The following RAPGEF6 variants were observed in gnomAD, a reference collection of about 807,000 sequenced individuals.
RAPGEF6 encodes the protein Rap guanine nucleotide exchange factor 6.
Under a neutral mutation model 171.4 loss-of-function variants are expected in RAPGEF6, and 56 were observed. The observed-to-expected ratio is 0.33, with a 90% CI of 0.26 to 0.41. The LOEUF is 0.41. Ranked by LOEUF, RAPGEF6 falls within the 10% of genes least tolerant of loss-of-function variation. RAPGEF6 has a pLI of 1.00. For synonymous variants in RAPGEF6, 692 were observed against 650.1 expected, an observed-to-expected ratio of 1.06 and a Z score of -0.98; for missense variants, 1,674 against 1,921.4, an observed-to-expected ratio of 0.87 and a Z score of 2.41.
chr5:131,607,321 C>G (rs1048143696), intron 1 of RAPGEF6, among the ~76,000 whole-genome samples: 8 of 152,154 alleles, frequency 5.3e-5, no homozygotes, highest in Admixed American at 4.6e-4. Flanking sequence ...AGAAAGCAGA[C>G]AGATCCTAAA....
intron 7 of RAPGEF6, among the ~76,000 whole-genome samples, chr5:131,519,259 T>A (rs1359457061): frequency 6.6e-6 from 1 of 152,224 alleles, no homozygotes; most frequent in African/African-American, 2.4e-5. Flanking sequence ...TTTGCAAAGA[T>A]GTAGGGACCA....
At chr5:131,578,356 T>C (rs184580227) in intron 4 of RAPGEF6, among the ~76,000 whole-genome samples, 78 of 152,282 alleles carry the variant, frequency 5.1e-4, no homozygotes, top group African/African-American at 1.8e-3. Flanking sequence ...TTCTTCCTGC[T>C]CTTACACAGA....
At position 131,546,274 on chromosome 5, in the gene RAPGEF6, T is replaced by C. The variant is rs149123483; in HGVS notation, c.495+1773A>G. Among the ~76,000 whole-genome samples the C allele has an allele frequency of 7.3e-3, 1,118 of 152,242 alleles. 8 individuals are homozygous for C. Among genetic ancestry groups the C allele is most frequent in the African/African-American group, 0.025 (1,035 of 41,528 alleles). On this transcript the variant is annotated intron_variant, in intron 6 of 27. Coordinates refer to ENST00000509018, the MANE Select transcript of RAPGEF6 (RefSeq NM_016340.6). ...GACATTTTTTCTATAGAAATGAAAA[T>C]GTGGGCATACATTGTACTTAGCACC...
At chr5:131,480,579 A>G (rs1292413244) in intron 15 of RAPGEF6, among the ~76,000 whole-genome samples, 1 of 152,110 alleles carries the variant, frequency 6.6e-6, no homozygotes, top group Non-Finnish European at 1.5e-5. Flanking sequence ...CCCGGGTTCA[A>G]GCGATTCTCT....
chr5:131,621,921 T>C lies in RAPGEF6; in HGVS notation c.69+13041A>G, dbSNP rs550092695. On this transcript the variant is annotated intron_variant, in intron 1 of 27. Coordinates refer to ENST00000509018, the MANE Select transcript of RAPGEF6 (RefSeq NM_016340.6). ...CCTACAAACTTCTGAGCACCTGATA[T>C]TTATAATTATCACAGTATTTAATTA... Among the ~76,000 whole-genome samples, 7 of 152,306 alleles carry C rather than the reference T, an allele frequency of 4.6e-5. No individual in the cohort carries two copies. In the East Asian group the frequency reaches 7.7e-4, roughly 17 times the overall value.
intron 17 of RAPGEF6, among the ~76,000 whole-genome samples, chr5:131,468,144 C>T (rs964976662): frequency 2.7e-5 from 4 of 150,428 alleles, no homozygotes; most frequent in Non-Finnish European, 5.9e-5. Flanking sequence ...TGGCTAACAC[C>T]GTGAAACCCC....
chr5:131,588,720 G>C (rs1399045935), intron 4 of RAPGEF6, among the ~76,000 whole-genome samples: 1 of 151,924 alleles, frequency 6.6e-6, no homozygotes, highest in African/African-American at 2.4e-5. Flanking sequence ...TCCAGCCTTG[G>C]CAACAGAGTG....
At chr5:131,613,393 C>A (rs1033529847) in intron 1 of RAPGEF6, among the ~76,000 whole-genome samples, 1 of 151,976 alleles carries the variant, frequency 6.6e-6, no homozygotes, top group Non-Finnish European at 1.5e-5. Context: ...CTGGGCGACA[C>A]AGCGAGACTC....
chr5:131,445,604 A>G (rs1176614922), intron 22 of RAPGEF6, among the ~76,000 whole-genome samples: 1 of 151,572 alleles, frequency 6.6e-6, no homozygotes, highest in African/African-American at 2.4e-5. Flanking sequence ...TTTTTGAGAG[A>G]CTGAGTCTCA....
rs930569678 is a variant in RAPGEF6, at chr5:131,629,890, A to G, written c.69+5072T>C. Among the ~76,000 whole-genome samples, 9 of 152,224 alleles carry G rather than the reference A, an allele frequency of 5.9e-5. No individual in the cohort carries two copies. The East Asian group carries it at 1.7e-3, about 29-fold the overall frequency. On this transcript the variant is annotated intron_variant, in intron 1 of 27. Coordinates refer to ENST00000509018, the MANE Select transcript of RAPGEF6 (RefSeq NM_016340.6). ...CTGCCTCTTATGCATTAGTAAAAAA[A>G]GTGGTTTCTTGAGACAACCTGCTCC... is the stretch of plus-strand genomic sequence containing the variant.
At chr5:131,595,177 G>A (rs1007580013) in intron 3 of RAPGEF6, among the ~76,000 whole-genome samples, 1 of 152,104 alleles carries the variant, frequency 6.6e-6, no homozygotes, top group Non-Finnish European at 1.5e-5. Flanking sequence ...CTGGTGGGAG[G>A]CGACTGGATC....
intron 1 of RAPGEF6, among the ~76,000 whole-genome samples, chr5:131,617,152 T>C (rs994300515): frequency 1.3e-5 from 2 of 152,124 alleles, no homozygotes; most frequent in South Asian, 2.1e-4. Flanking sequence ...AGTCTAACAA[T>C]GTGGAAGACA....
intron 1 of RAPGEF6, among the ~76,000 whole-genome samples, chr5:131,632,961 G>C (rs1766406014): frequency 6.6e-6 from 1 of 152,152 alleles, no homozygotes; most frequent in South Asian, 2.1e-4. Flanking sequence ...TTCCAATTAA[G>C]CACAATAAAG....
At chr5:131,450,623 T>C (rs952497803) in intron 21 of RAPGEF6, among the ~76,000 whole-genome samples, 8 of 152,224 alleles carry the variant, frequency 5.3e-5, no homozygotes, top group Admixed American at 2.6e-4. Context: ...TTTACATTCC[T>C]GTTTGATTGA....
At chr5:131,617,834 T>C (rs1436492240) in intron 1 of RAPGEF6, among the ~76,000 whole-genome samples, 3 of 152,234 alleles carry the variant, frequency 2.0e-5, no homozygotes, top group African/African-American at 7.2e-5. Context: ...ATACACAGAC[T>C]ACTAAAGCAT....
At chr5:131,583,408 C>T (rs1763078312) in intron 4 of RAPGEF6, among the ~76,000 whole-genome samples, 2 of 152,200 alleles carry the variant, frequency 1.3e-5, no homozygotes, top group African/African-American at 4.8e-5. Context: ...CCATGCAAGG[C>T]AAGGATTAAG....
At chr5:131,504,890 A>C (rs185740841) in intron 10 of RAPGEF6, 112 bp from the exon 11 acceptor site, 12 of 1,014,406 alleles carry the variant, frequency 1.2e-5, no homozygotes, top group Non-Finnish European at 1.6e-5. Flanking sequence ...GTTCTTTTTC[A>C]CTTAATTCCT....
At chr5:131,458,376 G>A (rs1489786371) in intron 19 of RAPGEF6, among the ~76,000 whole-genome samples, 2 of 152,028 alleles carry the variant, frequency 1.3e-5, no homozygotes, top group Non-Finnish European at 1.5e-5. Flanking sequence ...TTTGCCCTTC[G>A]CCTTCCACTA....
chr5:131,428,976 T>C lies in RAPGEF6; in HGVS notation c.4706A>G (p.Gln1569Arg). The C allele has an allele frequency of 6.2e-7, 1 of 1,614,230 alleles. No homozygotes were observed. The highest frequency in any genetic ancestry group is 1.1e-5 in the South Asian group (1 of 91,082). The change falls in exon 27 of 28, where the codon CAG becomes CGG. Residue 1569 changes from glutamine to arginine, a missense_variant. Around this residue, in one of 3 missense-constraint regions of RAPGEF6, gnomAD observed 552 missense variants for 574.2 expected, o/e 0.96. Coordinates refer to ENST00000509018, the MANE Select transcript of RAPGEF6 (RefSeq NM_016340.6). The stretch of plus-strand genomic sequence containing the variant: ...TGGCTGCAAATTATGCCTCTGAGGC[T>C]GAGTTACAATCTTCGATGGAACACA... ...VACVPSKIVT[Q>R]PQRHNLQPFH...
Sources: gnomAD v4.1 joint callset for allele counts (sites outside exome capture counted in the v4.1 genomes callset) on GRCh38, gnomAD v4.1.1 for gene constraint, gnomAD v4.1.1 regional missense constraint, MANE v1.5 for transcripts, NCBI Gene and HGNC (gene_info 2026-07-23, HGNC 2026-07-21) for gene names.